TENM2: variants seen among roughly 807,000 people sequenced by gnomAD.
The protein encoded by TENM2 is teneurin-2.
Under a neutral mutation model 245.2 loss-of-function variants are expected in TENM2, and 52 were observed. That is an observed-to-expected ratio of 0.21 (90% confidence interval 0.17 to 0.27). The LOEUF (loss-of-function observed/expected upper bound fraction) is 0.27, where lower values mean the gene tolerates loss of function less well. TENM2 is among the 10% of genes least tolerant of loss of function. The pLI is 1.00. For synonymous variants in TENM2, 1,363 were observed against 1,438.9 expected, an observed-to-expected ratio of 0.95 and a Z score of 1.19; for missense variants, 3,046 against 3,666.8, an observed-to-expected ratio of 0.83 and a Z score of 4.37.
At chr5:167,356,831 C>A (rs1759363912) in intron 1 of TENM2, among the ~76,000 whole-genome samples, 1 of 152,266 alleles carries the variant, frequency 6.6e-6, no homozygotes, top group African/African-American at 2.4e-5. Context: ...TTCATCAACC[C>A]CTTTCTCCAT....
chr5:168,029,495 A>C (rs1364956270), intron 5 of TENM2, among the ~76,000 whole-genome samples: 2 of 152,194 alleles, frequency 1.3e-5, no homozygotes, highest in Non-Finnish European at 2.9e-5. Context: ...GCTTATAGAC[A>C]GATGTTTACA....
intron 2 of TENM2, among the ~76,000 whole-genome samples, chr5:167,802,568 G>A (rs1765861210): frequency 6.6e-6 from 1 of 152,100 alleles, no homozygotes; most frequent in African/African-American, 2.4e-5. Context: ...AATGAATCGA[G>A]CTTGAAACCT....
chr5:168,008,520 G>A (rs924031388), intron 5 of TENM2, among the ~76,000 whole-genome samples: 26 of 152,156 alleles, frequency 1.7e-4, no homozygotes, highest in African/African-American at 6.3e-4. Flanking sequence ...TAGATTGGGA[G>A]ATGGGACAGG....
At chr5:168,021,561 C>G (rs1387437755) in intron 5 of TENM2, among the ~76,000 whole-genome samples, 1 of 152,144 alleles carries the variant, frequency 6.6e-6, no homozygotes, top group Non-Finnish European at 1.5e-5. Context: ...TACTCTGTAT[C>G]TGAATATTTA....
intron 27 of TENM2, among the ~76,000 whole-genome samples, chr5:168,256,011 G>T (rs1767617626): frequency 6.6e-6 from 1 of 151,590 alleles, no homozygotes; most frequent in Non-Finnish European, 1.5e-5. Context: ...TCACCATGTT[G>T]GTCAGGCTGG....
intron 2 of TENM2, among the ~76,000 whole-genome samples, chr5:167,652,450 G>A (rs565824654): frequency 3.0e-4 from 45 of 152,180 alleles, no homozygotes; most frequent in African/African-American, 1.1e-3. Flanking sequence ...TTCAGGAGGA[G>A]AAATCTATAG....
chr5:167,412,719 C>G (rs529563206), intron 2 of TENM2, among the ~76,000 whole-genome samples: 1 of 152,162 alleles, frequency 6.6e-6, no homozygotes, highest in Non-Finnish European at 1.5e-5. Flanking sequence ...TGCATTTCTG[C>G]TAAAGGCTGC....
the TENM2 span, among the ~76,000 whole-genome samples, chr5:166,992,059 A>ATT: frequency 1.4e-5 from 2 of 147,018 alleles, no homozygotes. Flanking sequence ...TCATATTCCA[A>ATT]TTTTTTTTTT....
chr5:167,681,296 C>T (rs76419235), intron 2 of TENM2, among the ~76,000 whole-genome samples: 15 of 152,150 alleles, frequency 9.9e-5, no homozygotes, highest in African/African-American at 3.4e-4. Context: ...TATAGTTGTG[C>T]TCCTTGCTTT....
rs771806340 is a variant in TENM2, at chr5:168,218,652, C to T, written c.4761C>T (p.Ser1587=). 8.7e-6 allele frequency: 14 copies of T among 1,613,956 alleles called. No homozygotes were observed. In the East Asian group the frequency reaches 1.3e-4, roughly 15 times the overall value. The change falls in exon 23 of 29, where the codon TCC becomes TCT. Residue 1587 remains serine, a synonymous_variant. Coordinates refer to ENST00000518659, the Ensembl canonical transcript of TENM2. The surrounding 1 kb of genome is among the most constrained non-coding windows in gnomAD (Gnocchi z 5.2). ...CCTTCAACCAGTATGAGGCTGCATC[C>T]CCCGGAGAGCAGGAGTTATATGTTT...
chr5:167,151,268 G>A, the TENM2 span, among the ~76,000 whole-genome samples: 1 of 152,012 alleles, frequency 6.6e-6, no homozygotes, highest in African/African-American at 2.4e-5. Flanking sequence ...TTTTCAATGG[G>A]GAAAGTTTTA....
chr5:167,034,313 C>T, the TENM2 span, among the ~76,000 whole-genome samples: 2 of 152,106 alleles, frequency 1.3e-5, no homozygotes, highest in Non-Finnish European at 2.9e-5. Flanking sequence ...CAAAAGATAG[C>T]TAAGAGAAAA....
rs1206361749 is a variant in TENM2, at chr5:168,104,545, C to T, written c.1813+6418C>T. ...AAGAGAGACTCCCATCACATCCAAG[C>T]GACCGGGTATGTGTCCAAGTGACAG... On this transcript the variant is annotated intron_variant, in intron 9 of 28. Transcript: ENST00000518659. Among the ~76,000 whole-genome samples, 3 of 152,186 alleles carry T rather than the reference C, an allele frequency of 2.0e-5. No homozygotes were observed. In the East Asian group the frequency reaches 5.8e-4, roughly 29 times the overall value.
chr5:167,698,679 G>GTTTTTT lies in TENM2; in HGVS notation c.503-177290_503-177285dup, dbSNP rs1225922111. Among the ~76,000 whole-genome samples, 106 of 97,724 alleles carry GTTTTTT rather than the reference G, an allele frequency of 1.1e-3. 1 individual carries two copies. Among genetic ancestry groups the GTTTTTT allele is most frequent in the Middle Eastern group, 7.5e-3 (1 of 134 alleles). The allele number at this position is 97,724 out of a possible 152,430, so 64.1% of individuals were successfully genotyped here. ...GTGTGTGTGTTTTGTTTTGTTTTTT[G>GTTTTTT]TTTTTTTTTTTTTTTTTTTTTTGAG... is the stretch of plus-strand genomic sequence containing the variant. On this transcript the variant is annotated intron_variant, in intron 2 of 28. Coordinates refer to ENST00000518659, the Ensembl canonical transcript of TENM2.
chr5:167,565,045 A>G (rs968590830), intron 2 of TENM2, among the ~76,000 whole-genome samples: 1 of 152,220 alleles, frequency 6.6e-6, no homozygotes, highest in Non-Finnish European at 1.5e-5. Context: ...AACAATTGAG[A>G]GGCGCTACAA....
chr5:167,204,043 G>A, the TENM2 span, among the ~76,000 whole-genome samples: 1 of 152,090 alleles, frequency 6.6e-6, no homozygotes, highest in Admixed American at 6.6e-5. Flanking sequence ...GTTCATATCT[G>A]CACTGGAAGG....
At chr5:168,179,254 C>A (rs1408003751) in intron 13 of TENM2, among the ~76,000 whole-genome samples, 1 of 151,986 alleles carries the variant, frequency 6.6e-6, no homozygotes, top group African/African-American at 2.4e-5. Flanking sequence ...GCTCTATGAA[C>A]CTCAGTTTCT....
At chr5:167,837,436 C>T (rs1244192453) in intron 2 of TENM2, among the ~76,000 whole-genome samples, 1 of 152,060 alleles carries the variant, frequency 6.6e-6, no homozygotes, top group Non-Finnish European at 1.5e-5. Context: ...AGAGGGATGA[C>T]TTCCCATATT....
At chr5:167,702,912 C>T (rs1758264059) in intron 2 of TENM2, among the ~76,000 whole-genome samples, 1 of 152,154 alleles carries the variant, frequency 6.6e-6, no homozygotes, top group African/African-American at 2.4e-5. Flanking sequence ...ATTCGCCCGC[C>T]TCAACCTCCC....
Sources: allele counts gnomAD v4.1 joint callset (sites outside exome capture counted in the v4.1 genomes callset), GRCh38; gene constraint gnomAD v4.1.1; non-coding constraint Gnocchi (gnomAD v3.1); transcripts MANE v1.5; gene names NCBI Gene and HGNC (gene_info 2026-07-23, HGNC 2026-07-21).